Variants in ST18 observed in about 807,000 individuals in gnomAD.
ST18 encodes ST18 C2H2C-type zinc finger transcription factor.
In ST18, 50 loss-of-function variants were observed where a neutral mutation model predicts 110.0. The observed-to-expected ratio is 0.45, with a 90% confidence interval of 0.36 to 0.58. ST18 has a LOEUF of 0.58. ST18 is among the 20% of genes least tolerant of loss of function. The pLI is 0.00. For missense variants in ST18, 1,306 were observed against 1,280.1 expected (o/e 1.02, Z -0.31); for synonymous variants, 461 against 452.4 (o/e 1.02, Z -0.24).
intron 8 of ST18, chr8:52,199,407 A>C (rs2077219401): frequency 6.6e-6 from 1 of 152,240 alleles, no homozygotes; most frequent in Admixed American, 6.5e-5. Flanking sequence ...CTATCCTGCA[A>C]ATGTAAATCA....
At chr8:52,340,327 G>T (rs1254593431) in intron 2 of ST18, among the ~76,000 whole-genome samples, 3 of 152,190 alleles carry the variant, frequency 2.0e-5, no homozygotes, top group African/African-American at 7.2e-5. Flanking sequence ...CATTTCACTG[G>T]TGTACGTTTT....
intron 23 of ST18, among the ~76,000 whole-genome samples, 193 bp from the exon 24 acceptor site, chr8:52,118,634 A>G (rs2043432609): frequency 6.6e-6 from 1 of 152,216 alleles, no homozygotes; most frequent in African/African-American, 2.4e-5. Context: ...GAAAGAAAAG[A>G]GGGAGTAGAA....
At chr8:52,370,923 T>A (rs759224986) in intron 2 of ST18, among the ~76,000 whole-genome samples, 1 of 152,236 alleles carries the variant, frequency 6.6e-6, no homozygotes, top group Non-Finnish European at 1.5e-5. Context: ...TATGTTTCTA[T>A]GTTTTAATTT....
At chr8:52,215,992 G>T (rs568729216) in intron 6 of ST18, among the ~76,000 whole-genome samples, 1 of 152,342 alleles carries the variant, frequency 6.6e-6, no homozygotes, top group African/African-American at 2.4e-5. Flanking sequence ...TTCTATGTGT[G>T]AGCCTCCACA....
chr8:52,297,828 G>T (rs578087244), intron 2 of ST18, among the ~76,000 whole-genome samples: 1 of 152,190 alleles, frequency 6.6e-6, no homozygotes, highest in Non-Finnish European at 1.5e-5. Context: ...TGTCTACTAT[G>T]CATGCCCAGG....
At chr8:52,139,652 G>A (rs994383203) in intron 17 of ST18, among the ~76,000 whole-genome samples, 7 of 152,032 alleles carry the variant, frequency 4.6e-5, no homozygotes, top group Admixed American at 1.3e-4. Context: ...CACCGCGCCC[G>A]GCCTATTTTA....
At chr8:52,214,479 G>C (rs1034790728) in intron 6 of ST18, among the ~76,000 whole-genome samples, 2 of 152,164 alleles carry the variant, frequency 1.3e-5, no homozygotes, top group African/African-American at 4.8e-5. Context: ...AGCGACAAGA[G>C]GGCAGATGTC....
At chr8:52,122,011 A>G (rs2045068525) in intron 23 of ST18, among the ~76,000 whole-genome samples, 2 of 152,100 alleles carry the variant, frequency 1.3e-5, no homozygotes, top group Admixed American at 1.3e-4. Context: ...ATGCCCAGCT[A>G]ATTTTTTTAT....
intron 23 of ST18, among the ~76,000 whole-genome samples, chr8:52,123,518 T>C (rs780878496): frequency 6.6e-6 from 1 of 152,190 alleles, no homozygotes; most frequent in Non-Finnish European, 1.5e-5. Context: ...GGCCTTTTTC[T>C]CATGCAAAGT....
intron 8 of ST18, among the ~76,000 whole-genome samples, chr8:52,183,603 A>G (rs1046808577): frequency 2.6e-5 from 4 of 152,220 alleles, no homozygotes; most frequent in African/African-American, 9.6e-5. Context: ...TCATCTACCA[A>G]ATGGAAATAA....
intron 2 of ST18, among the ~76,000 whole-genome samples, chr8:52,277,227 T>C (rs2095288532): frequency 6.6e-6 from 1 of 152,116 alleles, no homozygotes; most frequent in Admixed American, 6.5e-5. Context: ...CTAAAGACAC[T>C]TGTCACCATC....
intron 8 of ST18, among the ~76,000 whole-genome samples, chr8:52,183,434 G>C (rs1384834425): frequency 6.6e-6 from 1 of 152,214 alleles, no homozygotes; most frequent in African/African-American, 2.4e-5. Context: ...ATAACTGTGT[G>C]AGTGTAGGAT....
At chr8:52,181,751 G>GA (rs1461176389) in intron 8 of ST18, among the ~76,000 whole-genome samples, 2 of 152,120 alleles carry the variant, frequency 1.3e-5, no homozygotes, top group Non-Finnish European at 2.9e-5. Context: ...GACCAACATG[G>GA]ACTGCTCTGC....
chr8:52,316,374 A>T (rs1324883295), intron 2 of ST18, among the ~76,000 whole-genome samples: 1 of 152,204 alleles, frequency 6.6e-6, no homozygotes, highest in African/African-American at 2.4e-5. Context: ...CTCCCCCAGC[A>T]GCAATGAGAG....
chr8:52,149,161 G>T (rs1384657839), intron 16 of ST18, among the ~76,000 whole-genome samples: 1 of 152,090 alleles, frequency 6.6e-6, no homozygotes, highest in Non-Finnish European at 1.5e-5. Flanking sequence ...TGGCTTTCAG[G>T]GCCAAAACCA....
At chr8:52,121,328 C>T (rs2044725653) in intron 23 of ST18, among the ~76,000 whole-genome samples, 1 of 152,142 alleles carries the variant, frequency 6.6e-6, no homozygotes, top group Non-Finnish European at 1.5e-5. Context: ...CCTTTACATG[C>T]TCAGAGAATT....
At chr8:52,348,551 C>T (rs931428849) in intron 2 of ST18, among the ~76,000 whole-genome samples, 1 of 152,188 alleles carries the variant, frequency 6.6e-6, no homozygotes, top group Non-Finnish European at 1.5e-5. Flanking sequence ...TCGAGACCAG[C>T]CTGGCCAACA....
chr8:52,373,979 G>T (rs564467242), intron 2 of ST18, among the ~76,000 whole-genome samples: 2 of 152,056 alleles, frequency 1.3e-5, no homozygotes, highest in East Asian at 3.9e-4. Context: ...AACAGTTTTC[G>T]CCATCATTCT....
chr8:52,395,925 A>C (rs1840956983), intron 2 of ST18, among the ~76,000 whole-genome samples: 1 of 152,238 alleles, frequency 6.6e-6, no homozygotes, highest in Non-Finnish European at 1.5e-5. Flanking sequence ...GAAATTGAAA[A>C]GCATGCAAAC....
Sources: gnomAD v4.1 joint callset for allele counts (sites outside exome capture counted in the v4.1 genomes callset) on GRCh38, gnomAD v4.1.1 for gene constraint, MANE v1.5 for transcripts, NCBI Gene and HGNC (gene_info 2026-07-23, HGNC 2026-07-21) for gene names.